The following PPIP5K2 variants were observed in gnomAD, a reference collection of about 807,000 sequenced individuals.
The protein encoded by PPIP5K2 is diphosphoinositol pentakisphosphate kinase 2, also known as inositol hexakisphosphate and diphosphoinositol-pentakisphosphate kinase 2.
Under a neutral mutation model 154.6 loss-of-function variants are expected in PPIP5K2, and 105 were observed. The observed-to-expected ratio is 0.68, with a 90% CI of 0.58 to 0.80. The LOEUF (loss-of-function observed/expected upper bound fraction) is 0.80, where lower values mean the gene tolerates loss of function less well. PPIP5K2 is among the 30% of genes least tolerant of loss of function. PPIP5K2 has a pLI of 0.00. For missense variants in PPIP5K2, 992 were observed against 1,504.6 expected, an observed-to-expected ratio of 0.66 and a Z score of 5.64; for synonymous variants, 480 against 490.3, an observed-to-expected ratio of 0.98 and a Z score of 0.28.
chr5:103,126,922 C>T (rs575463416), intron 1 of PPIP5K2, among the ~76,000 whole-genome samples: 178 of 152,152 alleles, frequency 1.2e-3, no homozygotes, highest in Non-Finnish European at 1.9e-3. Context: ...TCCTTCAATC[C>T]AATCAAGTTG....
rs1554211715 is a variant in PPIP5K2, at chr5:103,152,696, A to G, written c.1077A>G (p.Ser359=). Residue 359 remains serine (S), a synonymous_variant, in exon 10 of 31, where the codon TCA becomes TCG. Transcript: ENST00000358359. ...CTCCACAATTTCATATTCCATGGTC[A>G]ATACCCTTAGAAGCTGAAGATATCC... ...ELAPQFHIPW[S]IPLEAEDIPI... is the part of the protein sequence containing the mutation. 5 of 1,597,510 alleles carry G rather than the reference A, an allele frequency of 3.1e-6. No individual in the cohort carries two copies. Among genetic ancestry groups the G allele is most frequent in the Non-Finnish European group, 4.3e-6 (5 of 1,165,490 alleles).
At chr5:103,124,703 T>C (rs1789354024) in intron 1 of PPIP5K2, among the ~76,000 whole-genome samples, 1 of 152,190 alleles carries the variant, frequency 6.6e-6, no homozygotes, top group South Asian at 2.1e-4. Context: ...AAAATGGTAG[T>C]ATTTGTACAG....
At chr5:103,142,594 A>G (rs1249048895) in intron 5 of PPIP5K2, among the ~76,000 whole-genome samples, 1 of 152,038 alleles carries the variant, frequency 6.6e-6, no homozygotes, top group African/African-American at 2.4e-5. Flanking sequence ...GCACGCTGTC[A>G]CCTCTCAGTC....
At chr5:103,197,247 T>A (rs1260013118) in intron 30 of PPIP5K2, among the ~76,000 whole-genome samples, 1 of 152,068 alleles carries the variant, frequency 6.6e-6, no homozygotes, top group Non-Finnish European at 1.5e-5. Context: ...TTTATAAGAT[T>A]TTTGTTTCTT....
At chr5:103,162,386 A>G (rs1399544520) in intron 17 of PPIP5K2, among the ~76,000 whole-genome samples, 6 of 149,648 alleles carry the variant, frequency 4.0e-5, no homozygotes, top group Admixed American at 2.7e-4. Context: ...TTGTAGAGAC[A>G]ATGTCTTGCT....
At chr5:103,180,918 A>T (rs1179607856) in intron 24 of PPIP5K2, among the ~76,000 whole-genome samples, 4 of 151,482 alleles carry the variant, frequency 2.6e-5, no homozygotes, top group Non-Finnish European at 2.9e-5. Context: ...AAGTGATACT[A>T]TAGGTAAAGA....
In PPIP5K2 at chr5:103,138,618, A is replaced by T. The variant is rs78617252; in HGVS notation, c.487+149A>T. ...TAATCTAAACAGACAAACATATTCAATTAAAAGGTGACACTGAGTTAAAAG... is the reference window on the plus strand; with the variant it reads ...TAATCTAAACAGACAAACATATTCATTTAAAAGGTGACACTGAGTTAAAAG... On this transcript the variant is annotated intron_variant, in intron 5 of 30. Transcript: ENST00000358359. 1,116 of 488,796 alleles carry T rather than the reference A, an allele frequency of 2.3e-3. 8 individuals carry two copies. Among genetic ancestry groups the T allele is most frequent in the African/African-American group, 0.02 (1,021 of 49,818 alleles). 30.3% of individuals were successfully genotyped at this position (488,796 alleles called of 1,614,324 possible). A position where few individuals can be genotyped will look rare whatever the true frequency, so the allele number is the denominator to read the frequency against.
rs1319223067 is a variant in PPIP5K2 at position 103,212,230 on chromosome 5, A to C, written c.*10596A>C. 6.6e-6 allele frequency: 1 copy of C among 152,428 alleles called. No individual in the cohort carries two copies. Among genetic ancestry groups the C allele is most frequent in the Non-Finnish European group, 1.5e-5 (1 of 68,010 alleles). 9.4% of individuals were successfully genotyped at this position (152,428 alleles called of 1,614,324 possible). A position where few individuals can be genotyped will look rare whatever the true frequency, so the allele number is the denominator to read the frequency against. Reference sequence around the variant, plus strand: ...CCCTCTCATTATCTTGATAAGCCCTATAGGTCCATAAAAGAAATAAAATGC... The same window carrying C: ...CCCTCTCATTATCTTGATAAGCCCTCTAGGTCCATAAAAGAAATAAAATGC... On this transcript the variant is annotated 3_prime_UTR_variant, in exon 31 of 31. Coordinates refer to ENST00000358359, the MANE Select transcript of PPIP5K2 (RefSeq NM_001276277.3).
At chr5:103,174,711 G>C (rs1420483691) in intron 21 of PPIP5K2, among the ~76,000 whole-genome samples, 3 of 152,050 alleles carry the variant, frequency 2.0e-5, no homozygotes, top group Non-Finnish European at 4.4e-5. Flanking sequence ...CATCACTTCT[G>C]CTGCGCTCTC....
rs147568161 is a variant in PPIP5K2, at chr5:103,167,296, C to T, written c.2038C>T (p.Arg680Ter). Residue 680 changes from arginine to a stop codon, truncating the protein, a stop_gained, in exon 18 of 31, where the codon CGA (arginine) becomes TGA (stop). Coordinates refer to ENST00000358359, the MANE Select transcript of PPIP5K2 (RefSeq NM_001276277.3). LOFTEE classifies it high-confidence loss of function. ...IQSLTSQIRH[R>*]MEDPKSSDIQ... Reference sequence around the variant, plus strand: ...GAGTTTGACTTCTCAAATCAGACATCGAATGGAAGATCCTAAATCATCAGG... The same window carrying T: ...GAGTTTGACTTCTCAAATCAGACATTGAATGGAAGATCCTAAATCATCAGG... 1.0e-5 allele frequency: 16 copies of T among 1,586,176 alleles called. No homozygotes were observed. The highest frequency in any genetic ancestry group is 3.6e-5 in the Admixed American group (2 of 55,954).
intron 21 of PPIP5K2, 111 bp from the exon 22 acceptor site, chr5:103,177,556 A>G: frequency 3.2e-6 from 2 of 617,706 alleles, no homozygotes; most frequent in South Asian, 2.4e-5. Flanking sequence ...TATGATAAGT[A>G]TTCACTTTAT....
At chr5:103,120,521 T>G (rs2149411315) in intron 1 of PPIP5K2, 33 bp downstream of exon 1, 1 of 456,610 alleles carries the variant, frequency 2.2e-6, no homozygotes, top group South Asian at 1.5e-5. Context: ...GAACCGGAGA[T>G]GCGGAACCTG....
Position 103,122,259 on chromosome 5 carries a change from G to T in PPIP5K2, c.-285+1771G>T, listed in dbSNP as rs984211287. On this transcript the variant is annotated intron_variant, in intron 1 of 30. Transcript: ENST00000358359. ...AAAAAACCCAACCCTGATGGAAACA[G>T]ATAAGTGAAAAGATAGATCCAAAAT... Among the ~76,000 whole-genome samples, 3 of 152,196 alleles carry T rather than the reference G, an allele frequency of 2.0e-5. No homozygotes were observed. In the East Asian group the frequency reaches 5.8e-4, roughly 29 times the overall value.
intron 5 of PPIP5K2, among the ~76,000 whole-genome samples, chr5:103,142,239 C>G (rs956390662): frequency 6.6e-6 from 1 of 152,172 alleles, no homozygotes; most frequent in Non-Finnish European, 1.5e-5. Context: ...CTGGCACTGC[C>G]GGGGGACCCA....
chr5:103,163,777 G>T (rs1796718171), intron 17 of PPIP5K2, among the ~76,000 whole-genome samples: 1 of 151,776 alleles, frequency 6.6e-6, no homozygotes, highest in Non-Finnish European at 1.5e-5. Flanking sequence ...TTTTGAATGT[G>T]AAACTAACCT....
chr5:103,191,697 T>A (rs965446796), intron 29 of PPIP5K2, among the ~76,000 whole-genome samples: 7 of 152,198 alleles, frequency 4.6e-5, no homozygotes, highest in Middle Eastern at 3.4e-3. Flanking sequence ...CTGAGGGACA[T>A]CATTTGGGGA....
intron 21 of PPIP5K2, among the ~76,000 whole-genome samples, chr5:103,176,468 T>TGCATGTGCGCACACAC (rs1343940955): frequency 6.6e-6 from 1 of 151,960 alleles, no homozygotes; most frequent in African/African-American, 2.4e-5. Context: ...CTTGCACACA[T>TGCATGTGCGCACACAC]GCATGTGCGC....
chr5:103,167,727 G>A (rs1303852119), intron 18 of PPIP5K2, among the ~76,000 whole-genome samples: 1 of 151,862 alleles, frequency 6.6e-6, no homozygotes, highest in Non-Finnish European at 1.5e-5. Flanking sequence ...AATGTCTAAT[G>A]TTCCTCTGCT....
chr5:103,194,688 A>G (rs1044025981), intron 29 of PPIP5K2: 9 of 433,186 alleles, frequency 2.1e-5, no homozygotes, highest in African/African-American at 1.8e-4. Flanking sequence ...AATGCTTATC[A>G]TTTACAGTAT....
Sources: gnomAD v4.1 joint callset for allele counts (sites outside exome capture counted in the v4.1 genomes callset) on GRCh38, gnomAD v4.1.1 for gene constraint, MANE v1.5 for transcripts, NCBI Gene and HGNC (gene_info 2026-07-23, HGNC 2026-07-21) for gene names.